ZBTB7C: variants seen among roughly 807,000 people sequenced by gnomAD.
The protein encoded by ZBTB7C is zinc finger and BTB domain containing 7C.
Under a neutral mutation model 25.7 loss-of-function variants are expected in ZBTB7C, and 8 were observed. The ratio of observed to expected loss-of-function variants is 0.31; its 90% CI spans 0.18 to 0.56. The LOEUF (loss-of-function observed/expected upper bound fraction) is 0.56. ZBTB7C is among the 20% of genes least tolerant of loss of function. The pLI, the probability that ZBTB7C is intolerant of heterozygous loss-of-function variation, is 0.91. For synonymous variants in ZBTB7C, 394 were observed against 369.0 expected (o/e 1.07, Z -0.78); for missense variants, 824 against 855.2 (o/e 0.96, Z 0.46).
intron 3 of ZBTB7C, among the ~76,000 whole-genome samples, chr18:48,171,292 G>T (rs112934424): frequency 7.0e-4 from 106 of 152,314 alleles, no homozygotes; most frequent in African/African-American, 2.5e-3. Context: ...ATCCAGGCTG[G>T]CTTTGGCCAT....
At chr18:48,147,885 G>GT (rs2040544151) in intron 3 of ZBTB7C, 1 of 152,128 alleles carries the variant, frequency 6.6e-6, no homozygotes, top group South Asian at 2.1e-4. Flanking sequence ...AAGTGCTGGA[G>GT]TTACAGGCGT....
intron 2 of ZBTB7C, among the ~76,000 whole-genome samples, chr18:48,337,435 T>G (rs2046481742): frequency 6.6e-6 from 1 of 152,236 alleles, no homozygotes; most frequent in Non-Finnish European, 1.5e-5. Context: ...TCCAGCCTAC[T>G]GGCTGGCCCC....
chr18:48,250,856 C>T (rs1238908780), intron 2 of ZBTB7C, among the ~76,000 whole-genome samples: 1 of 151,304 alleles, frequency 6.6e-6, no homozygotes, highest in Non-Finnish European at 1.5e-5. Flanking sequence ...CTATAGGAGA[C>T]AATCTCTGAA....
chr18:48,380,054 T>C (rs890145733), intron 1 of ZBTB7C, among the ~76,000 whole-genome samples: 1 of 152,176 alleles, frequency 6.6e-6, no homozygotes, highest in African/African-American at 2.4e-5. Flanking sequence ...GAGTAAACCT[T>C]AATGTACGAA....
intron 3 of ZBTB7C, among the ~76,000 whole-genome samples, chr18:48,109,582 C>T (rs2039158705): frequency 1.3e-5 from 2 of 151,496 alleles, no homozygotes; most frequent in South Asian, 4.2e-4. Flanking sequence ...AATTTGTGAA[C>T]AATATTATCA....
chr18:48,290,786 C>T (rs759076835), intron 2 of ZBTB7C, among the ~76,000 whole-genome samples: 21 of 152,222 alleles, frequency 1.4e-4, no homozygotes, highest in Non-Finnish European at 2.2e-4. Context: ...GTAGCCAGGA[C>T]AGCCCGCGGA....
chr18:48,269,117 C>A (rs750580516), intron 2 of ZBTB7C, among the ~76,000 whole-genome samples: 1 of 152,136 alleles, frequency 6.6e-6, no homozygotes, highest in Non-Finnish European at 1.5e-5. Flanking sequence ...CATGCCACCA[C>A]ACCCAGCTAA....
chr18:48,391,085 GAAGT>G (rs2047890283), intron 1 of ZBTB7C, among the ~76,000 whole-genome samples: 1 of 152,178 alleles, frequency 6.6e-6, no homozygotes. Flanking sequence ...TCTATAAAAT[GAAGT>G]GAGTGAACTG....
intron 2 of ZBTB7C, among the ~76,000 whole-genome samples, chr18:48,286,666 C>T (rs182726174): frequency 4.1e-4 from 63 of 152,198 alleles, no homozygotes; most frequent in Admixed American, 2.6e-3. Flanking sequence ...ATACAATAAG[C>T]AAGGATATGT....
intron 3 of ZBTB7C, among the ~76,000 whole-genome samples, chr18:48,176,150 G>A (rs1258379610): frequency 6.6e-6 from 1 of 152,192 alleles, no homozygotes; most frequent in Non-Finnish European, 1.5e-5. Flanking sequence ...CACCAATGAG[G>A]GCCTCCTGAT....
chr18:48,162,466 G>T (rs1183418335), intron 3 of ZBTB7C: 1 of 449,462 alleles, frequency 2.2e-6, no homozygotes, highest in Non-Finnish European at 4.5e-6. Context: ...GCACATAATA[G>T]GGACTTCATA....
intron 3 of ZBTB7C, among the ~76,000 whole-genome samples, chr18:48,138,604 G>T (rs2040246154): frequency 6.6e-6 from 1 of 152,078 alleles, no homozygotes; most frequent in African/African-American, 2.4e-5. Context: ...GGTGGGGAGA[G>T]GCTGCTAGGT....
At chr18:48,030,957 G>T (rs1298053420) in intron 4 of ZBTB7C, among the ~76,000 whole-genome samples, 1 of 152,230 alleles carries the variant, frequency 6.6e-6, no homozygotes, top group African/African-American at 2.4e-5. Context: ...ATAATTCGCA[G>T]CCTTCCCCAG....
intron 3 of ZBTB7C, chr18:48,165,152 AG>A (rs1568270349): frequency 7.8e-7 from 1 of 1,289,102 alleles, no homozygotes; most frequent in Non-Finnish European, 1.0e-6. Flanking sequence ...TTTACAGAGG[AG>A]GAAATTTGCA....
chr18:48,388,364 A>G (rs2047799052), intron 1 of ZBTB7C, among the ~76,000 whole-genome samples: 1 of 151,952 alleles, frequency 6.6e-6, no homozygotes, highest in African/African-American at 2.4e-5. Context: ...CTCCCTAGCG[A>G]GGAATGTGTT....
At chr18:48,149,229 T>C (rs2040598718) in intron 3 of ZBTB7C, 1 of 152,530 alleles carries the variant, frequency 6.6e-6, no homozygotes, top group African/African-American at 2.4e-5. Flanking sequence ...TGCATGCTCA[T>C]GTGGTTGTAA....
chr18:48,143,457 T>TA (rs2040410269), intron 3 of ZBTB7C, among the ~76,000 whole-genome samples: 1 of 152,178 alleles, frequency 6.6e-6, no homozygotes, highest in Non-Finnish European at 1.5e-5. Flanking sequence ...TAATTCACCT[T>TA]ATATTAAATT....
intron 2 of ZBTB7C, among the ~76,000 whole-genome samples, chr18:48,229,560 A>G (rs749938265): frequency 6.6e-6 from 1 of 152,182 alleles, no homozygotes; most frequent in Non-Finnish European, 1.5e-5. Flanking sequence ...GAAAAACATT[A>G]TATTTCTTTT....
chr18:48,220,068 TC>T (rs2042913834), intron 2 of ZBTB7C, among the ~76,000 whole-genome samples: 1 of 152,104 alleles, frequency 6.6e-6, no homozygotes, highest in African/African-American at 2.4e-5. Context: ...CCAGACCCAT[TC>T]TCTGCTGCTG....
Sources: gnomAD v4.1 joint callset for allele counts (sites outside exome capture counted in the v4.1 genomes callset) on GRCh38, gnomAD v4.1.1 for gene constraint, MANE v1.5 for transcripts, NCBI Gene and HGNC (gene_info 2026-07-23, HGNC 2026-07-21) for gene names.